The following PRKCQ variants were observed in gnomAD, a reference collection of about 807,000 sequenced individuals.
PRKCQ encodes the protein protein kinase C theta.
PRKCQ carries 41 observed loss-of-function variants against 91.2 expected under a neutral mutation model. That is an observed-to-expected ratio of 0.45 (90% CI 0.35 to 0.58). PRKCQ has a LOEUF of 0.58. Ranked by LOEUF, PRKCQ falls within the 20% of genes least tolerant of loss-of-function variation. The pLI is 0.00. For synonymous variants in PRKCQ, 307 were observed against 316.9 expected (o/e 0.97, Z 0.33); for missense variants, 673 against 896.5 (o/e 0.75, Z 3.18).
At chr10:6,539,503 T>C (rs960475230) in intron 1 of PRKCQ, among the ~76,000 whole-genome samples, 2 of 151,808 alleles carry the variant, frequency 1.3e-5, no homozygotes, top group Non-Finnish European at 1.5e-5. Context: ...TGAGGACCTG[T>C]CACTGTCTCC....
intron 16 of PRKCQ, among the ~76,000 whole-genome samples, chr10:6,437,805 C>T (rs1477836892): frequency 6.6e-6 from 1 of 152,116 alleles, no homozygotes; most frequent in Non-Finnish European, 1.5e-5. Context: ...GCGCCCGCCA[C>T]AACACCTGGC....
At chr10:6,453,301 C>A (rs1834812665) in intron 15 of PRKCQ, among the ~76,000 whole-genome samples, 1 of 152,070 alleles carries the variant, frequency 6.6e-6, no homozygotes, top group African/African-American at 2.4e-5. Context: ...TTTATGCAGC[C>A]AAAAGACACA....
chr10:6,568,795 G>A (rs1393497714), intron 1 of PRKCQ, among the ~76,000 whole-genome samples: 2 of 152,140 alleles, frequency 1.3e-5, no homozygotes, highest in Non-Finnish European at 2.9e-5. Flanking sequence ...ACCGCGCCCG[G>A]CCAGTTTAAT....
intron 1 of PRKCQ, among the ~76,000 whole-genome samples, chr10:6,534,717 C>T (rs932981894): frequency 2.0e-5 from 3 of 149,476 alleles, no homozygotes; most frequent in Admixed American, 2.0e-4. Context: ...TGGCTTATTA[C>T]TTATTGAAAC....
At chr10:6,420,479 T>C in the PRKCQ span, among the ~76,000 whole-genome samples, 2 of 152,232 alleles carry the variant, frequency 1.3e-5, no homozygotes, top group East Asian at 1.9e-4. Flanking sequence ...CAGGTTCCTG[T>C]GTCTTTGTCT....
At chr10:6,563,438 C>T (rs1441736061) in intron 1 of PRKCQ, among the ~76,000 whole-genome samples, 1 of 152,092 alleles carries the variant, frequency 6.6e-6, no homozygotes, top group Non-Finnish European at 1.5e-5. Context: ...GGCCATCTCT[C>T]CTACCTTGTC....
At chr10:6,408,195 ACTTAT>A in the PRKCQ span, among the ~76,000 whole-genome samples, 1 of 151,842 alleles carries the variant, frequency 6.6e-6, no homozygotes, top group African/African-American at 2.4e-5. Flanking sequence ...ATTTATTGAC[ACTTAT>A]CTTAGGGAAT....
Position 6,485,145 on chromosome 10 carries a change from C to A in PRKCQ, c.1018+7G>T. On this transcript the variant is annotated splice_region_variant and intron_variant, in intron 10 of 17. Transcript: ENST00000263125. ...ACAGTGATTAGACTGCTGATCAGGACAGCTACCTCTTTTTCCCGGTGTCGG... is the reference window on the plus strand; with the variant it reads ...ACAGTGATTAGACTGCTGATCAGGAAAGCTACCTCTTTTTCCCGGTGTCGG... The A allele has an allele frequency of 6.2e-7, 1 of 1,609,100 alleles. No individual in the cohort carries two copies. Among genetic ancestry groups the A allele is most frequent in the African/African-American group, 1.3e-5 (1 of 74,872 alleles).
chr10:6,502,447 G>C (rs1837969050), intron 4 of PRKCQ, among the ~76,000 whole-genome samples: 1 of 152,224 alleles, frequency 6.6e-6, no homozygotes, highest in Non-Finnish European at 1.5e-5. Context: ...TGGGGGTCCA[G>C]CACTAGCTGG....
At chr10:6,408,892 C>T in the PRKCQ span, among the ~76,000 whole-genome samples, 1 of 152,316 alleles carries the variant, frequency 6.6e-6, no homozygotes, top group East Asian at 1.9e-4. Flanking sequence ...TGAATTTACG[C>T]AGAAGTGGAA....
At chr10:6,500,884 G>A (rs1413576647) in intron 4 of PRKCQ, among the ~76,000 whole-genome samples, 5 of 152,068 alleles carry the variant, frequency 3.3e-5, no homozygotes, top group Non-Finnish European at 7.4e-5. Context: ...TCAGGGAGAC[G>A]TGGCACAGGC....
chr10:6,564,820 A>G (rs1840778491), intron 1 of PRKCQ, among the ~76,000 whole-genome samples: 1 of 152,222 alleles, frequency 6.6e-6, no homozygotes. Flanking sequence ...AATGTCAAAT[A>G]AAGAATAAAC....
chr10:6,536,716 T>C (rs1839596624), intron 1 of PRKCQ, among the ~76,000 whole-genome samples: 1 of 152,148 alleles, frequency 6.6e-6, no homozygotes, highest in Non-Finnish European at 1.5e-5. Flanking sequence ...GCCCCACAGC[T>C]GATAGCACAA....
intron 1 of PRKCQ, among the ~76,000 whole-genome samples, chr10:6,523,760 T>C (rs1839103556): frequency 1.3e-5 from 2 of 152,238 alleles, no homozygotes; most frequent in Admixed American, 6.5e-5. Flanking sequence ...ATAGTCCCAC[T>C]AAGGCATAGC....
At chr10:6,494,365 T>C (rs1837477787) in intron 7 of PRKCQ, among the ~76,000 whole-genome samples, 1 of 152,184 alleles carries the variant, frequency 6.6e-6, no homozygotes, top group Non-Finnish European at 1.5e-5. Context: ...TTGCCATCCT[T>C]GGGGTCTCAT....
intron 2 of PRKCQ, 90 bp downstream of exon 2, chr10:6,514,928 G>A: frequency 6.3e-7 from 1 of 1,586,996 alleles, no homozygotes. Flanking sequence ...ACCAGATGAT[G>A]TCAAATGTCC....
At chr10:6,485,318 G>A (rs1328556754) in intron 9 of PRKCQ, 49 bp from the exon 10 acceptor site, 1 of 1,416,760 alleles carries the variant, frequency 7.1e-7, no homozygotes, top group Non-Finnish European at 1.0e-6. Flanking sequence ...ACCATTGATG[G>A]AACAGCTCAG....
At chr10:6,394,920 C>A in the PRKCQ span, among the ~76,000 whole-genome samples, 1 of 152,168 alleles carries the variant, frequency 6.6e-6, no homozygotes, top group South Asian at 2.1e-4. Flanking sequence ...CGGAACGGTG[C>A]GACCTTTGCT....
chr10:6,473,995 A>G (rs1235325105), intron 12 of PRKCQ, among the ~76,000 whole-genome samples: 3 of 152,240 alleles, frequency 2.0e-5, no homozygotes, highest in Non-Finnish European at 4.4e-5. Context: ...GAAGCAAAAA[A>G]GGAGAACCAG....
Sources: allele counts gnomAD v4.1 joint callset (sites outside exome capture counted in the v4.1 genomes callset), GRCh38; gene constraint gnomAD v4.1.1; transcripts MANE v1.5; gene names NCBI Gene and HGNC (gene_info 2026-07-23, HGNC 2026-07-21).